Variants in NALF1 observed in about 807,000 individuals in gnomAD.
NALF1 encodes NALCN channel auxiliary factor 1, also known as family with sequence similarity 155 member A.
NALF1 carries 3 observed loss-of-function variants against 48.4 expected under a neutral mutation model. The observed-to-expected ratio is 0.06, with a 90% confidence interval of 0.03 to 0.16. The LOEUF is 0.16. NALF1 is among the 10% of genes least tolerant of loss of function. NALF1 has a pLI of 1.00. For synonymous variants in NALF1, 262 were observed against 245.7 expected (o/e 1.07, Z -0.62); for missense variants, 526 against 571.5 (o/e 0.92, Z 0.81).
intron 1 of NALF1, among the ~76,000 whole-genome samples, chr13:107,734,514 T>G (rs1312972983): frequency 6.6e-6 from 1 of 152,102 alleles, no homozygotes; most frequent in Non-Finnish European, 1.5e-5. Flanking sequence ...CAGGAGTCTT[T>G]TATAAATAAG....
intron 1 of NALF1, among the ~76,000 whole-genome samples, chr13:107,545,913 A>G (rs1877124393): frequency 1.3e-5 from 2 of 152,168 alleles, no homozygotes; most frequent in South Asian, 2.1e-4. Context: ...GCCTCTGTAC[A>G]GACTTCTTCC....
Position 107,271,773 on chromosome 13 carries a change from A to ACT in NALF1, c.916-61020_916-61019dup, listed in dbSNP as rs1881170456. 5.3e-5 allele frequency among the ~76,000 whole-genome samples: 4 copies of ACT among 76,106 alleles called. 1 individual carries two copies. The highest frequency in any genetic ancestry group is 9.8e-4 in the South Asian group (2 of 2,034). 49.9% of individuals were successfully genotyped at this position (76,106 alleles called of 152,430 possible). The stretch of plus-strand genomic sequence containing the variant: ...GTTCCTTCTCCTCTTTTGCTACTGG[A>ACT]CTATATATATATATATATATATATA... On this transcript the variant is annotated intron_variant, in intron 1 of 2. Transcript: ENST00000375915.
In NALF1 at chr13:107,198,437, C is replaced by G. The variant is rs7339075; in HGVS notation, c.1087+12147G>C. Among the ~76,000 whole-genome samples the G allele has an allele frequency of 5.2e-3, 787 of 152,328 alleles. 10 individuals are homozygous for G. The highest frequency in any genetic ancestry group is 0.018 in the African/African-American group (751 of 41,582). ...ACCCTTTCTTCGTTACTACTCTCTGCGTAATTATCATCCTCTAAATCCTGC... is the reference window on the plus strand; with the variant it reads ...ACCCTTTCTTCGTTACTACTCTCTGGGTAATTATCATCCTCTAAATCCTGC... On this transcript the variant is annotated intron_variant, in intron 2 of 2. Transcript: ENST00000375915.
chr13:107,618,170 C>T (rs1879430861), intron 1 of NALF1, among the ~76,000 whole-genome samples: 1 of 151,520 alleles, frequency 6.6e-6, no homozygotes, highest in Non-Finnish European at 1.5e-5. Context: ...GGAAAAAACT[C>T]TGTTGGAAGA....
intron 1 of NALF1, among the ~76,000 whole-genome samples, chr13:107,686,572 T>G (rs922246147): frequency 6.6e-6 from 1 of 152,046 alleles, no homozygotes; most frequent in Non-Finnish European, 1.5e-5. Context: ...TTTTGTACTT[T>G]CAGTAGAGAC....
chr13:107,286,957 T>C (rs1047701701), intron 1 of NALF1, among the ~76,000 whole-genome samples: 8 of 152,216 alleles, frequency 5.3e-5, no homozygotes, highest in Non-Finnish European at 8.8e-5. Context: ...AGAGATGTTT[T>C]GGACTAGACA....
At chr13:107,577,782 C>A (rs1464749748) in intron 1 of NALF1, among the ~76,000 whole-genome samples, 2 of 152,154 alleles carry the variant, frequency 1.3e-5, no homozygotes, top group Non-Finnish European at 2.9e-5. Flanking sequence ...TTCTTAAATG[C>A]TGCTTCATCC....
intron 1 of NALF1, among the ~76,000 whole-genome samples, chr13:107,339,219 A>G (rs920377966): frequency 1.3e-5 from 2 of 151,370 alleles, no homozygotes; most frequent in Non-Finnish European, 2.9e-5. Flanking sequence ...CTTATTTTAT[A>G]TTTTAAAAAC....
intron 1 of NALF1, among the ~76,000 whole-genome samples, chr13:107,631,707 G>A (rs925860301): frequency 3.9e-5 from 6 of 152,120 alleles, no homozygotes; most frequent in Middle Eastern, 3.4e-3. Context: ...CAAGCAGCAA[G>A]ACAATTGGTT....
intron 1 of NALF1, among the ~76,000 whole-genome samples, chr13:107,312,053 C>G (rs2138904858): frequency 6.6e-6 from 1 of 152,144 alleles, no homozygotes; most frequent in South Asian, 2.1e-4. Context: ...ACCATTTGAC[C>G]CAGCCATCCC....
chr13:107,506,240 C>A (rs1004326221), intron 1 of NALF1, among the ~76,000 whole-genome samples: 2 of 151,898 alleles, frequency 1.3e-5, no homozygotes, highest in East Asian at 3.9e-4. Flanking sequence ...TCCAGAAAGG[C>A]CTTTAAGTAG....
intron 1 of NALF1, among the ~76,000 whole-genome samples, chr13:107,674,947 T>C (rs1881076948): frequency 6.6e-6 from 1 of 152,128 alleles, no homozygotes; most frequent in Admixed American, 6.5e-5. Context: ...GGACTGTTCT[T>C]AGTCTCAATG....
intron 1 of NALF1, among the ~76,000 whole-genome samples, chr13:107,768,457 T>G (rs79029144): frequency 0.025 from 3,817 of 152,286 alleles, 139 homozygotes; most frequent in African/African-American, 0.087. Context: ...TGGTTAATAA[T>G]CCACAGTAGC....
At chr13:107,810,735 C>T (rs1878963033) in intron 1 of NALF1, among the ~76,000 whole-genome samples, 1 of 152,088 alleles carries the variant, frequency 6.6e-6, no homozygotes, top group Non-Finnish European at 1.5e-5. Flanking sequence ...CCATCAGTCA[C>T]AAACTCCTGT....
At chr13:107,689,012 C>T (rs2138502657) in intron 1 of NALF1, among the ~76,000 whole-genome samples, 1 of 152,306 alleles carries the variant, frequency 6.6e-6, no homozygotes, top group South Asian at 2.1e-4. Context: ...AACAAAGAGA[C>T]CCAGCTCCAG....
intron 1 of NALF1, among the ~76,000 whole-genome samples, chr13:107,593,842 A>G (rs1421012546): frequency 6.6e-6 from 1 of 151,836 alleles, no homozygotes; most frequent in Non-Finnish European, 1.5e-5. Flanking sequence ...CAGAAACGGA[A>G]ACTTGTATTT....
chr13:107,564,397 T>G lies in NALF1; in HGVS notation c.915+301285A>C, dbSNP rs12585980. On this transcript the variant is annotated intron_variant, in intron 1 of 2. Coordinates refer to ENST00000375915, the MANE Select transcript of NALF1 (RefSeq NM_001080396.3). ...GCCAGTCATTCTTCCAAGGTCTCCCTGTCTTCCCACCTGTCCTGGAGTAAA... is the reference window on the plus strand; with the variant it reads ...GCCAGTCATTCTTCCAAGGTCTCCCGGTCTTCCCACCTGTCCTGGAGTAAA... Among the ~76,000 whole-genome samples the G allele has an allele frequency of 4.5e-4, 68 of 152,338 alleles. 1 individual carries two copies. In the East Asian group the frequency reaches 0.013, roughly 29 times the overall value.
intron 1 of NALF1, among the ~76,000 whole-genome samples, chr13:107,553,507 T>C (rs1404975778): frequency 6.6e-6 from 1 of 152,232 alleles, no homozygotes; most frequent in Non-Finnish European, 1.5e-5. Context: ...AATAAAACCC[T>C]TTCAATTGCT....
Position 107,763,880 on chromosome 13 carries a change from C to T in NALF1, c.915+101802G>A, listed in dbSNP as rs1364586989. ...GTACCTAATCACAAGCTGTCCTATG[C>T]TGTGTCACCCTATCCTAAGTGTGTC... On this transcript the variant is annotated intron_variant, in intron 1 of 2. Coordinates refer to ENST00000375915, the MANE Select transcript of NALF1 (RefSeq NM_001080396.3). 2.6e-5 allele frequency among the ~76,000 whole-genome samples: 4 copies of T among 152,244 alleles called. No individual in the cohort carries two copies. In the South Asian group the frequency reaches 6.2e-4, roughly 24 times the overall value.
Sources: gnomAD v4.1 joint callset for allele counts (sites outside exome capture counted in the v4.1 genomes callset) on GRCh38, gnomAD v4.1.1 for gene constraint, MANE v1.5 for transcripts, NCBI Gene and HGNC (gene_info 2026-07-23, HGNC 2026-07-21) for gene names.